AGO3: variants seen among roughly 807,000 people sequenced by gnomAD.
AGO3 encodes the protein argonaute RISC catalytic component 3, also known as protein argonaute-3.
A neutral mutation model predicts 105.5 loss-of-function variants in AGO3; 16 were observed. That is an observed-to-expected ratio of 0.15 (90% CI 0.10 to 0.23). The LOEUF (loss-of-function observed/expected upper bound fraction) is 0.23, where lower values mean the gene tolerates loss of function less well. Among genes scored for constraint, AGO3 ranks in the 10% least tolerant of loss-of-function variants. The probability of loss-of-function intolerance (pLI) is 1.00; values close to 1 mark genes in which losing one functional copy is unlikely to be tolerated. For missense variants in AGO3, 534 were observed against 1,088.0 expected (o/e 0.49, Z 7.16); for synonymous variants, 340 against 367.3 (o/e 0.93, Z 0.85).
At chr1:35,953,779 TG>T (rs1490572597) in intron 2 of AGO3, among the ~76,000 whole-genome samples, 1 of 152,208 alleles carries the variant, frequency 6.6e-6, no homozygotes, top group Non-Finnish European at 1.5e-5. Context: ...TCCAAAGTGC[TG>T]GGGTTACAGG....
intron 2 of AGO3, among the ~76,000 whole-genome samples, chr1:35,965,036 C>G (rs1646747433): frequency 6.6e-6 from 1 of 151,468 alleles, no homozygotes; most frequent in Non-Finnish European, 1.5e-5. Flanking sequence ...TGTTTTGGCC[C>G]TGGTATTTCA....
At position 35,931,403 on chromosome 1, in the gene AGO3, G is replaced by A. The variant is rs1475574898; in HGVS notation, c.-24G>A. On this transcript the variant is annotated 5_prime_UTR_variant, in exon 1 of 19. Transcript: ENST00000373191. The stretch of plus-strand genomic sequence containing the variant: ...CCAGTGGCGGGCTCCGTTCTCCCTC[G>A]AAGCACTCCCCCCAGCTCCATGAAT... 3 of 1,461,472 alleles carry A rather than the reference G, an allele frequency of 2.1e-6. No homozygotes were observed. The highest frequency in any genetic ancestry group is 2.5e-5 in the Admixed American group (1 of 39,430). 90.5% of individuals were successfully genotyped at this position (1,461,472 alleles called of 1,614,324 possible).
At chr1:35,973,628 T>C in intron 5 of AGO3, 117 bp downstream of exon 5, 2 of 1,149,192 alleles carry the variant, frequency 1.7e-6, no homozygotes, top group Non-Finnish European at 1.1e-6. Flanking sequence ...TGGACATGTA[T>C]TATGATCTAC....
At chr1:35,984,894 C>G (rs895145140) in intron 5 of AGO3, among the ~76,000 whole-genome samples, 2 of 152,090 alleles carry the variant, frequency 1.3e-5, no homozygotes, top group African/African-American at 4.8e-5. Flanking sequence ...CAGGAATAAA[C>G]GATTTCTGAG....
intron 12 of AGO3, among the ~76,000 whole-genome samples, chr1:36,031,840 C>T (rs955271779): frequency 6.8e-6 from 1 of 147,424 alleles, no homozygotes; most frequent in Non-Finnish European, 1.5e-5. Flanking sequence ...TACTATATGT[C>T]AGAATTTTCT....
intron 1 of AGO3, among the ~76,000 whole-genome samples, chr1:35,943,174 T>G (rs1646289264): frequency 6.6e-6 from 1 of 152,004 alleles, no homozygotes; most frequent in African/African-American, 2.4e-5. Context: ...CAGGTAATTT[T>G]TTTGTATTTT....
intron 3 of AGO3, among the ~76,000 whole-genome samples, chr1:35,970,088 C>CA (rs1339463635): frequency 6.6e-6 from 1 of 152,148 alleles, no homozygotes; most frequent in Admixed American, 6.5e-5. Context: ...TGCAGTCCTG[C>CA]AACTAACCAT....
intron 17 of AGO3, 93 bp from the exon 18 acceptor site, chr1:36,054,853 G>C: frequency 8.0e-7 from 1 of 1,254,306 alleles, no homozygotes; most frequent in Non-Finnish European, 1.1e-6. Flanking sequence ...TTGCACTTCA[G>C]CCTGGGTGAC....
At chr1:36,022,100 C>G (rs565556990) in intron 11 of AGO3, among the ~76,000 whole-genome samples, 11 of 123,228 alleles carry the variant, frequency 8.9e-5, no homozygotes, top group Non-Finnish European at 1.6e-4. Context: ...GGGCCTCACT[C>G]TTTTGCCCAG....
intron 11 of AGO3, among the ~76,000 whole-genome samples, chr1:36,019,760 G>GTGTTTGTTTGTTTGTTTGTT (rs375343888): frequency 1.2e-3 from 185 of 152,092 alleles, no homozygotes; most frequent in African/African-American, 4.3e-3. Flanking sequence ...TATATGTAAG[G>GTGTTTGTTTGTTTGTTTGTT]TGTTTGTTTG....
At chr1:36,018,711 A>G (rs150663801) in intron 11 of AGO3, among the ~76,000 whole-genome samples, 2,653 of 152,210 alleles carry the variant, frequency 0.017, 52 homozygotes, top group South Asian at 0.06. Context: ...GATTACAGGC[A>G]TGAGCCACCA....
At chr1:36,010,231 A>G (rs202136906) in intron 9 of AGO3, among the ~76,000 whole-genome samples, 15 of 151,520 alleles carry the variant, frequency 9.9e-5, no homozygotes, top group Non-Finnish European at 2.1e-4. Flanking sequence ...GAGCCACCGC[A>G]CCCGGCCAAT....
At chr1:35,955,242 C>T (rs533327809) in intron 2 of AGO3, among the ~76,000 whole-genome samples, 9 of 152,250 alleles carry the variant, frequency 5.9e-5, no homozygotes, top group Middle Eastern at 6.8e-3. Flanking sequence ...GACTTGAGTC[C>T]TGGAGAACAT....
At chr1:36,014,800 A>G (rs1367939297) in intron 11 of AGO3, among the ~76,000 whole-genome samples, 2 of 151,528 alleles carry the variant, frequency 1.3e-5, no homozygotes, top group African/African-American at 4.8e-5. Flanking sequence ...ACTTCTCAAT[A>G]GTTCGGTGAA....
At chr1:36,046,788 A>G (rs887903516) in intron 17 of AGO3, among the ~76,000 whole-genome samples, 1 of 152,090 alleles carries the variant, frequency 6.6e-6, no homozygotes, top group African/African-American at 2.4e-5. Flanking sequence ...TATCAGGGAA[A>G]CCATGTCTGG....
chr1:35,947,332 A>G (rs1212666386), intron 2 of AGO3, among the ~76,000 whole-genome samples: 1 of 151,942 alleles, frequency 6.6e-6, no homozygotes. Flanking sequence ...TGTAGCCTCT[A>G]CCTCTTTCCT....
intron 5 of AGO3, chr1:35,982,618 C>T (rs1647074013): frequency 1.4e-6 from 1 of 717,150 alleles, no homozygotes; most frequent in Non-Finnish European, 2.6e-6. Context: ...ATTTGTTTTC[C>T]AGAAAGAGAC....
chr1:36,032,481 A>G (rs1202459066), intron 12 of AGO3, among the ~76,000 whole-genome samples: 3 of 152,170 alleles, frequency 2.0e-5, no homozygotes, highest in South Asian at 4.1e-4. Context: ...TCCTAGGCCC[A>G]TGCAATCCTC....
chr1:36,070,545 T>G lies in AGO3; in HGVS notation c.*14800T>G, dbSNP rs1643148192. ...TTCTTTGTTGCAACAGACAAGATTT[T>G]TTTTAAAAAAAGAAAAAAGGATGCA... On this transcript the variant is annotated 3_prime_UTR_variant, in exon 19 of 19. Transcript: ENST00000373191. The G allele has an allele frequency of 6.6e-6, 1 of 152,190 alleles. No homozygotes were observed. 9.4% of individuals were successfully genotyped at this position (152,190 alleles called of 1,614,324 possible). A position where few individuals can be genotyped will look rare whatever the true frequency, so the allele number is the denominator to read the frequency against.
Sources: gnomAD v4.1 joint callset for allele counts (sites outside exome capture counted in the v4.1 genomes callset) on GRCh38, gnomAD v4.1.1 for gene constraint, MANE v1.5 for transcripts, NCBI Gene and HGNC (gene_info 2026-07-23, HGNC 2026-07-21) for gene names.